FNDC3B: variants seen among roughly 807,000 people sequenced by gnomAD.
The protein encoded by FNDC3B is fibronectin type III domain-containing protein 3B.
FNDC3B carries 12 observed loss-of-function variants against 151.5 expected under a neutral mutation model. The ratio of observed to expected loss-of-function variants is 0.08; its 90% CI spans 0.05 to 0.13. FNDC3B has a LOEUF of 0.13. Ranked by LOEUF, FNDC3B falls within the 10% of genes least tolerant of loss-of-function variation. The pLI is 1.00. For missense variants in FNDC3B, 1,214 were observed against 1,505.3 expected (o/e 0.81, Z 3.20); for synonymous variants, 528 against 549.0 (o/e 0.96, Z 0.54).
intron 11 of FNDC3B, 46 bp from the exon 12 acceptor site, chr3:172,328,906 T>C: frequency 1.5e-6 from 1 of 687,350 alleles, no homozygotes; most frequent in South Asian, 3.1e-5. Flanking sequence ...TTATCTGTTG[T>C]TTTTTTTTTT....
intron 2 of FNDC3B, among the ~76,000 whole-genome samples, chr3:172,130,852 C>T (rs998642743): frequency 6.6e-6 from 1 of 152,026 alleles, no homozygotes; most frequent in Non-Finnish European, 1.5e-5. Context: ...TCCATTGGTT[C>T]CCCCCTCCCC....
Position 172,057,643 on chromosome 3 carries a change from C to T in FNDC3B, c.-29+17872C>T, listed in dbSNP as rs1378396800. Among the ~76,000 whole-genome samples the T allele has an allele frequency of 2.0e-5, 3 of 150,494 alleles. No homozygotes were observed. The East Asian group carries it at 5.8e-4, about 29-fold the overall frequency. ...GTCTTGCTCTATGAGAGTGAATGAG[C>T]TAGTGTTAGACTTTAATGCTGGAGA... On this transcript the variant is annotated intron_variant, in intron 1 of 25. Transcript: ENST00000415807.
intron 1 of FNDC3B, among the ~76,000 whole-genome samples, chr3:172,055,304 G>C (rs1437216597): frequency 6.6e-6 from 1 of 152,072 alleles, no homozygotes; most frequent in Non-Finnish European, 1.5e-5. Flanking sequence ...ATTATTTCCA[G>C]TTTTATTTGA....
intron 21 of FNDC3B, among the ~76,000 whole-genome samples, chr3:172,349,024 C>T (rs1177479139): frequency 6.6e-6 from 1 of 152,028 alleles, no homozygotes; most frequent in Non-Finnish European, 1.5e-5. Flanking sequence ...GGCATGGGGG[C>T]TCACACTTGT....
At chr3:172,088,403 C>G (rs578056475) in intron 1 of FNDC3B, among the ~76,000 whole-genome samples, 3 of 152,192 alleles carry the variant, frequency 2.0e-5, no homozygotes, top group Non-Finnish European at 2.9e-5. Context: ...ATGGCCACCA[C>G]GGTCATCTTT....
At chr3:172,039,935 T>TGGGGCGCCCCGTGCTCGCC (rs1715930564) in intron 1 of FNDC3B, among the ~76,000 whole-genome samples, 164 bp downstream of exon 1, 1 of 151,836 alleles carries the variant, frequency 6.6e-6, no homozygotes, top group African/African-American at 2.4e-5. Flanking sequence ...GCCGGAGTGC[T>TGGGGCGCCCCGTGCTCGCC]GGGGCGCCCC....
At chr3:172,121,971 T>C (rs2108555454) in intron 2 of FNDC3B, among the ~76,000 whole-genome samples, 1 of 152,350 alleles carries the variant, frequency 6.6e-6, no homozygotes, top group Non-Finnish European at 1.5e-5. Flanking sequence ...ATTTGTCATG[T>C]TGAATGTGAT....
chr3:172,249,063 T>C (rs891908997), intron 5 of FNDC3B, among the ~76,000 whole-genome samples: 1 of 152,034 alleles, frequency 6.6e-6, no homozygotes, highest in African/African-American at 2.4e-5. Context: ...GGATATACTA[T>C]GAAAACATTT....
chr3:172,098,576 G>C (rs1157500333), intron 1 of FNDC3B, among the ~76,000 whole-genome samples: 1 of 152,010 alleles, frequency 6.6e-6, no homozygotes, highest in Non-Finnish European at 1.5e-5. Flanking sequence ...CTTTCAGTTG[G>C]CTTTGAAAAA....
rs1724209400 is a variant in FNDC3B at position 172,186,795 on chromosome 3, G to A, written c.188-40076G>A. The A allele has an allele frequency of 4.3e-6, 3 of 698,524 alleles. No individual in the cohort carries two copies. In the Admixed American group the frequency reaches 6.1e-5, roughly 14 times the overall value. 43.3% of individuals were successfully genotyped at this position (698,524 alleles called of 1,614,324 possible). Reference sequence around the variant, plus strand: ...TACCTTGTTCTCTCTCATGTTTCATGATCTGTGTCATAGATATTTCTTCAT... The same window carrying A: ...TACCTTGTTCTCTCTCATGTTTCATAATCTGTGTCATAGATATTTCTTCAT... On this transcript the variant is annotated intron_variant, in intron 3 of 25. Transcript: ENST00000415807.
chr3:172,292,934 G>T (rs1490154913), intron 7 of FNDC3B, among the ~76,000 whole-genome samples: 2 of 152,154 alleles, frequency 1.3e-5, no homozygotes, highest in Non-Finnish European at 2.9e-5. Flanking sequence ...ATGCAGGGAT[G>T]GAAAATAGGC....
chr3:172,395,099 G>A (rs530108367), intron 25 of FNDC3B, among the ~76,000 whole-genome samples: 1 of 152,212 alleles, frequency 6.6e-6, no homozygotes, highest in Non-Finnish European at 1.5e-5. Flanking sequence ...AACTCCTACT[G>A]TGCACTAACT....
At position 172,216,660 on chromosome 3, in the gene FNDC3B, G is replaced by A. The variant is rs530520991; in HGVS notation, c.188-10211G>A. Among the ~76,000 whole-genome samples, 9 of 152,276 alleles carry A rather than the reference G, an allele frequency of 5.9e-5. No individual in the cohort carries two copies. The South Asian group carries it at 1.0e-3, about 18-fold the overall frequency. ...TGCACTGCAGCCTGGATGGCAGAGC[G>A]AGACCCTGTCTCAAAATAAATAAAT... On this transcript the variant is annotated intron_variant, in intron 3 of 25. Coordinates refer to ENST00000415807, the MANE Select transcript of FNDC3B (RefSeq NM_022763.4).
chr3:172,248,065 A>C (rs1270741804), intron 5 of FNDC3B, among the ~76,000 whole-genome samples: 1 of 152,212 alleles, frequency 6.6e-6, no homozygotes, highest in Non-Finnish European at 1.5e-5. Flanking sequence ...GAAAAGTGGC[A>C]GTGTGACATC....
intron 3 of FNDC3B, among the ~76,000 whole-genome samples, chr3:172,226,565 C>T (rs1726592415): frequency 6.6e-6 from 1 of 152,122 alleles, no homozygotes; most frequent in African/African-American, 2.4e-5. Context: ...TTTTGCCCCA[C>T]TCTGTTACAC....
At chr3:172,387,090 G>A (rs999535319) in intron 25 of FNDC3B, among the ~76,000 whole-genome samples, 2 of 152,098 alleles carry the variant, frequency 1.3e-5, no homozygotes, top group Admixed American at 1.3e-4. Context: ...CCAAGTAGAT[G>A]GGATTAAAGG....
intron 3 of FNDC3B, among the ~76,000 whole-genome samples, chr3:172,194,444 G>A (rs934238295): frequency 6.6e-6 from 1 of 152,106 alleles, no homozygotes; most frequent in Non-Finnish European, 1.5e-5. Flanking sequence ...CCATTTAAAT[G>A]GATTTTAAAA....
chr3:172,177,184 G>A (rs913805783), intron 3 of FNDC3B, among the ~76,000 whole-genome samples: 4 of 147,758 alleles, frequency 2.7e-5, no homozygotes, highest in East Asian at 3.9e-4. Flanking sequence ...TGGGCCTAGC[G>A]GAAGATACAG....
chr3:172,233,352 A>G (rs1726979501), intron 4 of FNDC3B, among the ~76,000 whole-genome samples: 1 of 152,270 alleles, frequency 6.6e-6, no homozygotes, highest in African/African-American at 2.4e-5. Context: ...AGAAACAACA[A>G]AAATACCGCA....
Sources: gnomAD v4.1 joint callset for allele counts (sites outside exome capture counted in the v4.1 genomes callset) on GRCh38, gnomAD v4.1.1 for gene constraint, MANE v1.5 for transcripts, NCBI Gene and HGNC (gene_info 2026-07-23, HGNC 2026-07-21) for gene names.